Variants in NUDT9 observed in about 807,000 individuals in gnomAD.
The protein encoded by NUDT9 is ADP-ribose pyrophosphatase.
NUDT9 carries 31 observed loss-of-function variants against 41.0 expected under a neutral mutation model. That is an observed-to-expected ratio of 0.76 (90% CI 0.57 to 1.02). NUDT9 has a LOEUF of 1.02. NUDT9 is among the 50% of genes least tolerant of loss of function. The pLI is 0.00. For synonymous variants in NUDT9, 146 were observed against 147.6 expected (o/e 0.99, Z 0.08); for missense variants, 380 against 431.4 (o/e 0.88, Z 1.06).
intron 7 of NUDT9, among the ~76,000 whole-genome samples, chr4:87,455,274 T>G (rs1722934687): frequency 6.6e-6 from 1 of 152,206 alleles, no homozygotes; most frequent in Admixed American, 6.5e-5. Context: ...CTTGTTGAAC[T>G]TGGAGGAAAC....
In NUDT9 at chr4:87,458,214, C is replaced by T. The variant is rs141507724; in HGVS notation, c.*193C>T. ...GAACTGGAACACAAAATTTTCAGCT[C>T]TTTGGTCAAAAGGAATATAAGTAAT... On this transcript the variant is annotated 3_prime_UTR_variant, in exon 8 of 8. Coordinates refer to ENST00000302174, the MANE Select transcript of NUDT9 (RefSeq NM_024047.5). The T allele has an allele frequency of 1.9e-4, 79 of 425,752 alleles. No homozygotes were observed. The highest frequency in any genetic ancestry group is 1.0e-3 in the African/African-American group (49 of 48,840). The allele number at this position is 425,752 out of a possible 1,614,324, so 26.4% of individuals were successfully genotyped here.
At chr4:87,454,534 G>A in intron 7 of NUDT9, 79 bp downstream of exon 7, 1 of 938,940 alleles carries the variant, frequency 1.1e-6, no homozygotes, top group Non-Finnish European at 1.7e-6. Context: ...GATTAAATCT[G>A]GACTATTTAG....
intron 1 of NUDT9, among the ~76,000 whole-genome samples, chr4:87,427,028 G>A (rs1721457844): frequency 6.6e-6 from 1 of 151,176 alleles, no homozygotes; most frequent in African/African-American, 2.4e-5. Flanking sequence ...GCTGAGGTAG[G>A]AGGATTGCTT....
intron 3 of NUDT9, among the ~76,000 whole-genome samples, chr4:87,441,567 A>G (rs1174312206): frequency 6.6e-6 from 1 of 152,206 alleles, no homozygotes; most frequent in African/African-American, 2.4e-5. Flanking sequence ...GAAAACTGAA[A>G]CAAATCATCA....
chr4:87,431,342 T>G (rs1429493397), intron 1 of NUDT9, among the ~76,000 whole-genome samples: 3 of 152,234 alleles, frequency 2.0e-5, no homozygotes, highest in Non-Finnish European at 2.9e-5. Flanking sequence ...AGCTGTGTAG[T>G]AAGTGTGAGA....
At position 87,457,190 on chromosome 4, in the gene NUDT9, C is replaced by G. The variant is rs374137552; in HGVS notation, c.875-653C>G. Reference sequence around the variant, plus strand: ...TACAGAAATATTCCATTTATATTCCCAGCAGTGATTGGGAGCACTTATTTT... The same window carrying G: ...TACAGAAATATTCCATTTATATTCCGAGCAGTGATTGGGAGCACTTATTTT... On this transcript the variant is annotated intron_variant, in intron 7 of 7. Transcript: ENST00000302174. Among the ~76,000 whole-genome samples, 178 of 152,044 alleles carry G rather than the reference C, an allele frequency of 1.2e-3. 1 individual carries two copies. The highest frequency in any genetic ancestry group is 3.9e-3 in the African/African-American group (163 of 41,498).
chr4:87,447,450 C>A (rs1722506720), intron 4 of NUDT9, among the ~76,000 whole-genome samples: 1 of 151,206 alleles, frequency 6.6e-6, no homozygotes, highest in South Asian at 2.1e-4. Flanking sequence ...ATATCATAGA[C>A]CTTCTTTTTT....
chr4:87,447,341 A>G (rs950523738), intron 4 of NUDT9, among the ~76,000 whole-genome samples: 3 of 152,196 alleles, frequency 2.0e-5, no homozygotes, highest in African/African-American at 7.2e-5. Context: ...CATGGGAGGA[A>G]CTAGATATGG....
chr4:87,428,423 C>T (rs1721529581), intron 1 of NUDT9, among the ~76,000 whole-genome samples: 3 of 152,196 alleles, frequency 2.0e-5, no homozygotes, highest in African/African-American at 7.2e-5. Context: ...CAAAAACCTG[C>T]ACACAGATGT....
chr4:87,423,474 CTA>C (rs1238681472), intron 1 of NUDT9, among the ~76,000 whole-genome samples: 7 of 151,990 alleles, frequency 4.6e-5, no homozygotes, highest in African/African-American at 1.7e-4. Flanking sequence ...AATAATTTGT[CTA>C]TTGTGGTTAA....
At position 87,449,229 on chromosome 4, in the gene NUDT9, CTG is replaced by C. The variant is rs1293730895; in HGVS notation, c.621_622del (p.Cys207TrpfsTer17). 8.1e-6 allele frequency: 13 copies of C among 1,602,508 alleles called. No individual in the cohort carries two copies. Among genetic ancestry groups the C allele is most frequent in the African/African-American group, 1.3e-5 (1 of 74,694 alleles). On this transcript the variant is annotated frameshift_variant, in exon 5 of 8. Coordinates refer to ENST00000302174, the MANE Select transcript of NUDT9 (RefSeq NM_024047.5). LOFTEE classifies it high-confidence loss of function. ...AATTTGTTGCAATAAAAAGGAAAGA[CTG>C]TGGAGAATGGGCAATCCCAGGGGTA... ...LQFVAIKRKD[C>X]GEWAIPGGMV... is the part of the protein sequence containing the mutation.
intron 1 of NUDT9, among the ~76,000 whole-genome samples, chr4:87,431,536 A>G (rs139568662): frequency 6.6e-6 from 1 of 152,222 alleles, no homozygotes; most frequent in Non-Finnish European, 1.5e-5. Context: ...TTTCCAGTCA[A>G]TGAACATAGG....
chr4:87,450,372 CTTTTTCTTTTTT>C lies in NUDT9; in HGVS notation c.642+1125_642+1136del, dbSNP rs1309672808. 4.0e-3 allele frequency among the ~76,000 whole-genome samples: 521 copies of C among 130,264 alleles called. 3 individuals are homozygous for C. Among genetic ancestry groups the C allele is most frequent in the African/African-American group, 0.014 (489 of 35,734 alleles). The allele number at this position is 130,264 out of a possible 152,430, so 85.5% of individuals were successfully genotyped here. On this transcript the variant is annotated intron_variant, in intron 5 of 7. Coordinates refer to ENST00000302174, the MANE Select transcript of NUDT9 (RefSeq NM_024047.5). ...TAAAAGTTTAGGCTAATTTCTTTTT[CTTTTTCTTTTTT>C]TTTTTTTTTTTTTTGAGACGGAGTC...
intron 4 of NUDT9, 73 bp from the exon 5 acceptor site, chr4:87,449,069 C>A: frequency 1.2e-6 from 1 of 840,718 alleles, no homozygotes; most frequent in South Asian, 1.5e-5. Flanking sequence ...GTCCTTGTAA[C>A]TTTATCTCAA....
intron 1 of NUDT9, among the ~76,000 whole-genome samples, chr4:87,434,019 T>C (rs998690581): frequency 3.9e-5 from 6 of 152,166 alleles, no homozygotes; most frequent in Admixed American, 6.5e-5. Context: ...TTAAAAAATA[T>C]ATTCCTTTAC....
At chr4:87,426,773 C>T (rs1041310606) in intron 1 of NUDT9, among the ~76,000 whole-genome samples, 1 of 151,406 alleles carries the variant, frequency 6.6e-6, no homozygotes, top group African/African-American at 2.4e-5. Flanking sequence ...TGGAGGCTCA[C>T]ACCTGTAATC....
chr4:87,447,037 GCTCT>G (rs1722492316), intron 4 of NUDT9, among the ~76,000 whole-genome samples: 1 of 152,076 alleles, frequency 6.6e-6, no homozygotes, highest in East Asian at 1.9e-4. Flanking sequence ...ACACTCTCTG[GCTCT>G]CTAAGTAAAC....
intron 2 of NUDT9, 121 bp downstream of exon 2, chr4:87,435,341 C>G (rs1578069365): frequency 4.4e-6 from 5 of 1,149,002 alleles, no homozygotes; most frequent in Non-Finnish European, 4.8e-6. Context: ...TGTGTTATAA[C>G]TCAGTTTCCA....
chr4:87,426,935 C>T (rs978037633), intron 1 of NUDT9, among the ~76,000 whole-genome samples: 1 of 54,356 alleles, frequency 1.8e-5, no homozygotes, highest in African/African-American at 7.9e-5. Context: ...ACTCCCTTGC[C>T]AAAAAAAAAA....
Sources: gnomAD v4.1 joint callset for allele counts (sites outside exome capture counted in the v4.1 genomes callset) on GRCh38, gnomAD v4.1.1 for gene constraint, MANE v1.5 for transcripts, NCBI Gene and HGNC (gene_info 2026-07-23, HGNC 2026-07-21) for gene names.